CUL2: variants seen among roughly 807,000 people sequenced by gnomAD.
The protein encoded by CUL2 is cullin-2.
Under a neutral mutation model 110.2 loss-of-function variants are expected in CUL2, and 22 were observed. The ratio of observed to expected loss-of-function variants is 0.20; its 90% CI spans 0.14 to 0.28. The LOEUF (loss-of-function observed/expected upper bound fraction) is 0.28. Ranked by LOEUF, CUL2 falls within the 10% of genes least tolerant of loss-of-function variation. The pLI, the probability that CUL2 is intolerant of heterozygous loss-of-function variation, is 1.00. For missense variants in CUL2, 631 were observed against 905.5 expected, an observed-to-expected ratio of 0.70 and a Z score of 3.89; for synonymous variants, 279 against 293.2, an observed-to-expected ratio of 0.95 and a Z score of 0.49.
At chr10:35,092,459 T>C (rs201652391), upstream of CUL2, among the ~76,000 whole-genome samples, 1 of 152,250 alleles carries the variant, frequency 6.6e-6, no homozygotes, top group East Asian at 1.9e-4. Context: ...GCATTAATTT[T>C]ATTAAATTTT....
In CUL2 at chr10:35,074,736, C is replaced by T. The variant is rs186831361; in HGVS notation, c.-22-3397G>A. Among the ~76,000 whole-genome samples the T allele has an allele frequency of 3.6e-4, 55 of 152,326 alleles. 1 individual carries two copies. Among genetic ancestry groups the T allele is most frequent in the African/African-American group, 1.1e-3 (45 of 41,578 alleles). Reference sequence around the variant, plus strand: ...CCTGAGGCTCAAGTGATCCGCCCGCCTTGGCCTCCCAAAGTGCTGGGATTA... The same window carrying T: ...CCTGAGGCTCAAGTGATCCGCCCGCTTTGGCCTCCCAAAGTGCTGGGATTA... On this transcript the variant is annotated intron_variant, in intron 1 of 20. Coordinates refer to ENST00000374749, the MANE Select transcript of CUL2 (RefSeq NM_003591.4).
intron 6 of CUL2, among the ~76,000 whole-genome samples, chr10:35,045,799 G>T (rs1206580948): frequency 9.2e-5 from 14 of 152,108 alleles, no homozygotes; most frequent in Admixed American, 9.2e-4. Flanking sequence ...TCTAAATTGG[G>T]ATTTTGTGAC....
intron 16 of CUL2, 128 bp downstream of exon 16, chr10:35,028,682 A>G: frequency 1.7e-6 from 1 of 576,492 alleles, no homozygotes; most frequent in Non-Finnish European, 3.1e-6. Context: ...GGGCAGACTG[A>G]CTATAATTTC....
Position 35,046,906 on chromosome 10 carries a change from A to T in CUL2, c.507-2038T>A, listed in dbSNP as rs1588995201. ...AGACTCTGTCTCAAAACAAAACAAA[A>T]CAAAACAAAACAAAACAAAACAAAA... On this transcript the variant is annotated intron_variant, in intron 6 of 20. Transcript: ENST00000374749. Among the ~76,000 whole-genome samples the T allele has an allele frequency of 2.0e-5, 3 of 151,722 alleles. No homozygotes were observed. In the East Asian group the frequency reaches 5.8e-4, roughly 29 times the overall value.
intron 18 of CUL2, among the ~76,000 whole-genome samples, chr10:35,015,889 G>C (rs1458239709): frequency 1.3e-5 from 2 of 152,134 alleles, no homozygotes; most frequent in Admixed American, 6.5e-5. Flanking sequence ...GTCTTTAAAG[G>C]CTAGTTTCAA....
intron 8 of CUL2, among the ~76,000 whole-genome samples, chr10:35,039,736 T>G (rs1289915697): frequency 6.6e-6 from 1 of 151,772 alleles, no homozygotes; most frequent in African/African-American, 2.4e-5. Context: ...ATGCCTGTAA[T>G]CCCAGCTCCT....
chr10:35,015,522 T>C (rs530848381), intron 18 of CUL2, among the ~76,000 whole-genome samples: 2 of 152,288 alleles, frequency 1.3e-5, no homozygotes, highest in East Asian at 3.9e-4. Flanking sequence ...ACATTATTTA[T>C]AGGAATTTTT....
chr10:35,093,301 G>A (rs906514050), upstream of CUL2, among the ~76,000 whole-genome samples: 3 of 151,910 alleles, frequency 2.0e-5, no homozygotes, highest in Admixed American at 6.6e-5. Context: ...CCTTGGTCTC[G>A]GTGAATTTTG....
Position 35,009,941 on chromosome 10 carries a change from G to A in CUL2, c.*370C>T, listed in dbSNP as rs1424679990. The A allele has an allele frequency of 6.8e-6, 1 of 147,440 alleles. No individual in the cohort carries two copies. Among genetic ancestry groups the A allele is most frequent in the Non-Finnish European group, 1.5e-5 (1 of 67,688 alleles). The allele number at this position is 147,440 out of a possible 1,614,324, so 9.1% of individuals were successfully genotyped here. ...TGTAGATACAATTATTAGGTTATCT[G>A]TCATATTACAATATTTAAGTTTTTA... On this transcript the variant is annotated 3_prime_UTR_variant, in exon 21 of 21. Coordinates refer to ENST00000374749, the MANE Select transcript of CUL2 (RefSeq NM_003591.4).
intron 1 of CUL2, among the ~76,000 whole-genome samples, chr10:35,124,435 A>T (rs973361014): frequency 2.0e-5 from 3 of 147,092 alleles, no homozygotes; most frequent in South Asian, 2.1e-4. Context: ...AAATTAAATT[A>T]AAAAAAAAAG....
chr10:35,081,037 G>A (rs971128998), intron 1 of CUL2, among the ~76,000 whole-genome samples: 1 of 151,902 alleles, frequency 6.6e-6, no homozygotes, highest in East Asian at 1.9e-4. Flanking sequence ...AACATAGACA[G>A]ACCTGGTCTT....
At chr10:35,115,841 C>T (rs1355247268) in intron 1 of CUL2, among the ~76,000 whole-genome samples, 3 of 151,486 alleles carry the variant, frequency 2.0e-5, no homozygotes, top group East Asian at 1.9e-4. Flanking sequence ...TGAAGTGAGC[C>T]GAGATTGCGC....
At chr10:35,113,463 A>C (rs1168127300) in intron 1 of CUL2, among the ~76,000 whole-genome samples, 5 of 122,014 alleles carry the variant, frequency 4.1e-5, no homozygotes, top group Non-Finnish European at 6.4e-5. Context: ...ACGCTACTGC[A>C]CTCCAGCCTG....
At chr10:35,060,112 T>A (rs1011723298) in intron 4 of CUL2, among the ~76,000 whole-genome samples, 1 of 151,946 alleles carries the variant, frequency 6.6e-6, no homozygotes, top group Admixed American at 6.6e-5. Flanking sequence ...ATGAACAACA[T>A]TAGCCAGGCA....
At chr10:35,059,798 AT>A (rs1230033780) in intron 4 of CUL2, among the ~76,000 whole-genome samples, 1 of 152,190 alleles carries the variant, frequency 6.6e-6, no homozygotes, top group Admixed American at 6.5e-5. Context: ...TGCCTTTGTG[AT>A]TCATTAGCTG....
At chr10:35,082,934 G>C (rs577483378) in intron 1 of CUL2, among the ~76,000 whole-genome samples, 47 of 152,216 alleles carry the variant, frequency 3.1e-4, no homozygotes, top group African/African-American at 1.1e-3. Flanking sequence ...AAGGCGGGCA[G>C]ATCACTTGAG....
chr10:35,125,114 A>G (rs890346557), intron 1 of CUL2, among the ~76,000 whole-genome samples: 1 of 152,234 alleles, frequency 6.6e-6, no homozygotes, highest in African/African-American at 2.4e-5. Context: ...GCTTCCCCTA[A>G]GAGGATATGA....
chr10:35,107,256 G>T (rs2087471467), intron 1 of CUL2, among the ~76,000 whole-genome samples: 1 of 151,922 alleles, frequency 6.6e-6, no homozygotes, highest in Non-Finnish European at 1.5e-5. Flanking sequence ...TTACAGGCAT[G>T]AGCCACCGCG....
chr10:35,096,445 A>T (rs1321678672), intron 2 of CUL2, among the ~76,000 whole-genome samples: 1 of 151,702 alleles, frequency 6.6e-6, no homozygotes, highest in Non-Finnish European at 1.5e-5. Context: ...TCTCTATGAA[A>T]AATAAATACA....
Sources: gnomAD v4.1 joint callset for allele counts (sites outside exome capture counted in the v4.1 genomes callset) on GRCh38, gnomAD v4.1.1 for gene constraint, MANE v1.5 for transcripts, NCBI Gene and HGNC (gene_info 2026-07-23, HGNC 2026-07-21) for gene names.